Variants in DCC observed in about 807,000 individuals in gnomAD.
DCC encodes the protein DCC netrin 1 receptor, also known as netrin receptor DCC.
Under a neutral mutation model 172.5 loss-of-function variants are expected in DCC, and 58 were observed. The ratio of observed to expected loss-of-function variants is 0.34; its 90% confidence interval spans 0.27 to 0.42. The LOEUF (loss-of-function observed/expected upper bound fraction) is 0.42. Among genes scored for constraint, DCC ranks in the 10% least tolerant of loss-of-function variants. The pLI, the probability that DCC is intolerant of heterozygous loss-of-function variation, is 1.00. For synonymous variants in DCC, 709 were observed against 644.5 expected, an observed-to-expected ratio of 1.10 and a Z score of -1.52; for missense variants, 1,740 against 1,791.0, an observed-to-expected ratio of 0.97 and a Z score of 0.51.
At chr18:53,501,200 G>T (rs1042393995) in intron 27 of DCC, among the ~76,000 whole-genome samples, 19 of 152,178 alleles carry the variant, frequency 1.2e-4, no homozygotes, top group African/African-American at 4.1e-4. Context: ...TATAGGACAG[G>T]CATGATTCTG....
At chr18:53,502,967 GC>G (rs2046123077) in intron 27 of DCC, among the ~76,000 whole-genome samples, 1 of 151,906 alleles carries the variant, frequency 6.6e-6, no homozygotes. Context: ...TAGGTATTAA[GC>G]CCTGCATGCA....
intron 9 of DCC, among the ~76,000 whole-genome samples, chr18:53,192,909 C>T (rs747430093): frequency 6.6e-6 from 1 of 152,156 alleles, no homozygotes; most frequent in Non-Finnish European, 1.5e-5. Flanking sequence ...CCTAGCTATG[C>T]AAATCTGTAT....
intron 1 of DCC, among the ~76,000 whole-genome samples, chr18:52,464,183 A>G (rs905823129): frequency 2.0e-5 from 3 of 152,176 alleles, no homozygotes; most frequent in Non-Finnish European, 2.9e-5. Flanking sequence ...CTTCAAATAG[A>G]ATGTTCTCAG....
chr18:52,899,362 T>C (rs2039777271), intron 2 of DCC, among the ~76,000 whole-genome samples: 1 of 142,734 alleles, frequency 7.0e-6, no homozygotes, highest in Non-Finnish European at 1.5e-5. Flanking sequence ...TTTTTTTTTT[T>C]TTTTTTTTGA....
chr18:53,163,882 A>G (rs1381160814), intron 8 of DCC, among the ~76,000 whole-genome samples: 2 of 152,222 alleles, frequency 1.3e-5, no homozygotes, highest in Non-Finnish European at 2.9e-5. Context: ...CAGTTTTATC[A>G]TCAACAGTGA....
Position 53,191,637 on chromosome 18 carries a change from G to A in DCC, c.1573+12521G>A, listed in dbSNP as rs114885858. ...AGGAAGTCAAGAAGGTTGACAATCTGAAATTAAATTGAGTTTTCGAGTTAC... is the reference window on the plus strand; with the variant it reads ...AGGAAGTCAAGAAGGTTGACAATCTAAAATTAAATTGAGTTTTCGAGTTAC... On this transcript the variant is annotated intron_variant, in intron 9 of 28. Coordinates refer to ENST00000442544, the MANE Select transcript of DCC (RefSeq NM_005215.4). Among the ~76,000 whole-genome samples, 532 of 152,278 alleles carry A rather than the reference G, an allele frequency of 3.5e-3. 3 individuals carry two copies. Among genetic ancestry groups the A allele is most frequent in the African/African-American group, 0.012 (494 of 41,542 alleles).
At chr18:52,825,488 T>G (rs2038493942) in intron 2 of DCC, among the ~76,000 whole-genome samples, 1 of 152,178 alleles carries the variant, frequency 6.6e-6, no homozygotes, top group African/African-American at 2.4e-5. Flanking sequence ...TTGCCTTTTT[T>G]GTTATGGTAT....
At chr18:53,270,968 T>C (rs1267956668) in intron 12 of DCC, among the ~76,000 whole-genome samples, 10 of 152,150 alleles carry the variant, frequency 6.6e-5, no homozygotes, top group African/African-American at 2.4e-4. Flanking sequence ...TAAGTAATAT[T>C]ACCCATTTTA....
At chr18:52,776,269 C>T (rs1261437988) in intron 2 of DCC, among the ~76,000 whole-genome samples, 4 of 151,260 alleles carry the variant, frequency 2.6e-5, no homozygotes, top group Admixed American at 1.3e-4. Flanking sequence ...ATTTATAAAC[C>T]AATAAAAGAA....
intron 2 of DCC, among the ~76,000 whole-genome samples, chr18:52,858,693 A>G (rs2145356416): frequency 6.6e-6 from 1 of 152,296 alleles, no homozygotes; most frequent in East Asian, 1.9e-4. Context: ...AGGCAACCCC[A>G]TGGGGGAGTT....
intron 1 of DCC, among the ~76,000 whole-genome samples, chr18:52,473,831 C>A (rs1052350571): frequency 2.0e-5 from 3 of 152,058 alleles, no homozygotes; most frequent in Non-Finnish European, 4.4e-5. Flanking sequence ...TTTTATTCCT[C>A]AGCAGAGTCA....
rs539841819 is a variant in DCC at position 53,072,688 on chromosome 18, T to C, written c.1261+6522T>C. Among the ~76,000 whole-genome samples, 6 of 152,220 alleles carry C rather than the reference T, an allele frequency of 3.9e-5. No homozygotes were observed. The South Asian group carries it at 8.3e-4, about 21-fold the overall frequency. ...ATGCACAAAATGGCTGTGGGAAAAA[T>C]CCATATAATCATAACAAGAATAAAT... On this transcript the variant is annotated intron_variant, in intron 7 of 28. Transcript: ENST00000442544.
chr18:52,465,206 T>G (rs1291899263), intron 1 of DCC, among the ~76,000 whole-genome samples: 2 of 152,144 alleles, frequency 1.3e-5, no homozygotes, highest in African/African-American at 4.8e-5. Flanking sequence ...ACCACCCACC[T>G]AGTAAAGTAC....
chr18:52,632,430 G>T (rs1332437791), intron 1 of DCC, among the ~76,000 whole-genome samples: 1 of 152,166 alleles, frequency 6.6e-6, no homozygotes, highest in Non-Finnish European at 1.5e-5. Flanking sequence ...AATTTGACTT[G>T]CATGCGTAAT....
chr18:52,707,739 TA>T (rs1254305568), intron 1 of DCC, among the ~76,000 whole-genome samples: 2 of 152,176 alleles, frequency 1.3e-5, no homozygotes, highest in East Asian at 1.9e-4. Flanking sequence ...GACATTATAC[TA>T]AGGGAGATAA....
intron 8 of DCC, among the ~76,000 whole-genome samples, chr18:53,162,351 C>T (rs1598862597): frequency 6.6e-6 from 1 of 151,852 alleles, no homozygotes; most frequent in African/African-American, 2.4e-5. Flanking sequence ...TGAGACCTAC[C>T]ACTTCTTACC....
chr18:52,372,994 G>T (rs533629928), intron 1 of DCC, among the ~76,000 whole-genome samples: 4 of 152,230 alleles, frequency 2.6e-5, no homozygotes, highest in South Asian at 2.1e-4. Context: ...CTATTCCCAC[G>T]CTAGGTTTGA....
chr18:52,834,771 C>T (rs2038675171), intron 2 of DCC, among the ~76,000 whole-genome samples: 1 of 151,614 alleles, frequency 6.6e-6, no homozygotes, highest in South Asian at 2.1e-4. Context: ...TGTGGTCTTC[C>T]TTGTGATTAG....
chr18:52,418,500 G>A (rs796894982), intron 1 of DCC, among the ~76,000 whole-genome samples: 11 of 152,274 alleles, frequency 7.2e-5, no homozygotes, highest in African/African-American at 1.7e-4. Flanking sequence ...CGAAAGTAAA[G>A]TTATGGCCAA....
Sources: allele counts gnomAD v4.1 joint callset (sites outside exome capture counted in the v4.1 genomes callset), GRCh38; gene constraint gnomAD v4.1.1; transcripts MANE v1.5; gene names NCBI Gene and HGNC (gene_info 2026-07-23, HGNC 2026-07-21).